The following ADGRG1 variants were observed in gnomAD, a reference collection of about 807,000 sequenced individuals.
ADGRG1 encodes the protein 7-transmembrane protein with no EGF-like N-terminal domains-1.
Under a neutral mutation model 73.5 loss-of-function variants are expected in ADGRG1, and 53 were observed. The ratio of observed to expected loss-of-function variants is 0.72; its 90% confidence interval spans 0.58 to 0.91. The LOEUF is 0.91. Among genes scored for constraint, ADGRG1 ranks in the 40% least tolerant of loss-of-function variants. The probability of loss-of-function intolerance (pLI) is 0.00; values close to 1 mark genes in which losing one functional copy is unlikely to be tolerated. For missense variants in ADGRG1, 795 were observed against 871.8 expected (o/e 0.91, Z 1.11); for synonymous variants, 394 against 374.4 (o/e 1.05, Z -0.60).
At chr16:57,655,763 C>A (rs1194749276) in intron 6 of ADGRG1, 113 bp from the exon 7 acceptor site, 1 of 1,610,594 alleles carries the variant, frequency 6.2e-7, no homozygotes, top group Non-Finnish European at 8.5e-7. Flanking sequence ...GACGCAGCAT[C>A]TCAAGGCAAT....
chr16:57,654,195 G>A (rs1241967995), intron 5 of ADGRG1, 62 bp downstream of exon 5: 9 of 1,535,348 alleles, frequency 5.9e-6, no homozygotes, highest in African/African-American at 1.4e-5. Flanking sequence ...TGGAGGTGGG[G>A]GCTGTGAGCA....
rs146696055 is a variant in ADGRG1 at position 57,630,461 on chromosome 16, C to T, written c.-36+1659C>T. 3.3e-5 allele frequency: 33 copies of T among 985,680 alleles called. No individual in the cohort carries two copies. In the East Asian group the frequency reaches 3.4e-3, roughly 102 times the overall value. 61.1% of individuals were successfully genotyped at this position (985,680 alleles called of 1,614,324 possible). On this transcript the variant is annotated intron_variant, in intron 1 of 13. Transcript: ENST00000562631. ...CCTTCCTCTCCTCTCGCCTCAGGAGCTCAGCTGCTAAATGGGTGTGTAGGG... is the reference window on the plus strand; with the variant it reads ...CCTTCCTCTCCTCTCGCCTCAGGAGTTCAGCTGCTAAATGGGTGTGTAGGG...
At chr16:57,639,720 G>A in intron 1 of ADGRG1, 1 of 927,670 alleles carries the variant, frequency 1.1e-6, no homozygotes, top group African/African-American at 1.8e-5. Context: ...TTTCACTCCT[G>A]CTCCCTCTCC....
chr16:57,630,322 C>T, intron 1 of ADGRG1: 1 of 979,870 alleles, frequency 1.0e-6, no homozygotes. Context: ...GGGCTCTTTC[C>T]TGCCAATGTC....
rs1241511839 is a variant in ADGRG1, at chr16:57,656,209, C to T, written c.1018-17C>T. ...GGGGGCTGTCACAGAAACCACTCTCCTTTCTTGTCCCTACAGAAGAATGTG... is the reference window on the plus strand; with the variant it reads ...GGGGGCTGTCACAGAAACCACTCTCTTTTCTTGTCCCTACAGAAGAATGTG... On this transcript the variant is annotated splice_polypyrimidine_tract_variant and intron_variant, in intron 7 of 13. Coordinates refer to ENST00000562631, the MANE Select transcript of ADGRG1 (RefSeq NM_201525.4). 1 of 1,613,746 alleles carries T rather than the reference C, an allele frequency of 6.2e-7. No homozygotes were observed. The highest frequency in any genetic ancestry group is 8.5e-7 in the Non-Finnish European group (1 of 1,179,764).
chr16:57,645,266 G>T, intron 1 of ADGRG1: 3 of 985,428 alleles, frequency 3.0e-6, no homozygotes, highest in Non-Finnish European at 3.6e-6. Flanking sequence ...CTCTCCCAGC[G>T]AGGGCCCATT....
intron 1 of ADGRG1, chr16:57,631,028 C>G (rs1567677082): frequency 3.0e-6 from 3 of 985,802 alleles, no homozygotes; most frequent in East Asian, 2.3e-4. Context: ...GCTGGGGGCC[C>G]AGGCTGCAAA....
intron 1 of ADGRG1, among the ~76,000 whole-genome samples, chr16:57,644,532 CAT>C (rs1289084581): frequency 3.6e-5 from 5 of 137,596 alleles, no homozygotes; most frequent in South Asian, 2.4e-4. Flanking sequence ...TCATCACACA[CAT>C]GCGCAGGCAC....
intron 1 of ADGRG1, chr16:57,629,210 C>T (rs2037023129): frequency 3.1e-6 from 3 of 980,770 alleles, no homozygotes; most frequent in Non-Finnish European, 3.6e-6. Flanking sequence ...TCCAGGTCAG[C>T]ATGGCTGTGG....
chr16:57,630,747 C>A (rs556073387), intron 1 of ADGRG1: 2 of 237,938 alleles, frequency 8.4e-6, no homozygotes, highest in East Asian at 3.6e-4. Flanking sequence ...GACCAGGGAG[C>A]CTCTGCGGAA....
chr16:57,630,217 T>C (rs1239049953), intron 1 of ADGRG1: 5 of 438,894 alleles, frequency 1.1e-5, no homozygotes, highest in East Asian at 1.6e-4. Context: ...TGTTGGCTCC[T>C]TGGGGTCAGA....
chr16:57,647,207 A>C, intron 1 of ADGRG1: 1 of 985,392 alleles, frequency 1.0e-6, no homozygotes, highest in Non-Finnish European at 1.2e-6. Flanking sequence ...TCTTGTCCCC[A>C]GCCCAGCTCT....
intron 1 of ADGRG1, chr16:57,646,281 C>T: frequency 1.5e-6 from 1 of 657,590 alleles, no homozygotes; most frequent in Non-Finnish European, 1.9e-6. Flanking sequence ...AGCCGTGGGT[C>T]CCCACTGCCC....
At chr16:57,633,358 C>A (rs56219719) in intron 1 of ADGRG1, 124,227 of 984,928 alleles carry the variant, frequency 0.13, 8,913 homozygotes, top group African/African-American at 0.3. Context: ...GAATTTCTCA[C>A]AACTTCATTA....
intron 1 of ADGRG1, chr16:57,636,760 C>A (rs1221052189): frequency 2.2e-6 from 2 of 921,284 alleles, no homozygotes; most frequent in East Asian, 2.4e-4. Context: ...CTTCTATGGA[C>A]CAGGCACTGT....
In ADGRG1 at chr16:57,650,967, C is replaced by T. The variant is rs1293834370; in HGVS notation, c.65-233C>T. On this transcript the variant is annotated intron_variant, in intron 2 of 13. Transcript: ENST00000562631. Reference sequence around the variant, plus strand: ...TCGTGATCCGCCCGCCTCAGCCTCCCAAAGTGCTGGGATTACAGGCGTGAG... The same window carrying T: ...TCGTGATCCGCCCGCCTCAGCCTCCTAAAGTGCTGGGATTACAGGCGTGAG... 3 of 642,092 alleles carry T rather than the reference C, an allele frequency of 4.7e-6. No individual in the cohort carries two copies. The African/African-American group carries it at 5.9e-5, about 13-fold the overall frequency. The allele number at this position is 642,092 out of a possible 1,614,324, so 39.8% of individuals were successfully genotyped here.
intron 1 of ADGRG1, chr16:57,630,972 G>C (rs561261910): frequency 4.3e-5 from 42 of 985,868 alleles, no homozygotes; most frequent in Middle Eastern, 5.2e-4. Context: ...CTGCTCTGTG[G>C]GGGGGAAGAG....
chr16:57,625,769 T>A, upstream of ADGRG1: 1 of 510,754 alleles, frequency 2.0e-6, no homozygotes, highest in Non-Finnish European at 2.5e-6. Flanking sequence ...ACCTTTGATT[T>A]AAGCCCAAAC....
chr16:57,653,020 A>G, intron 3 of ADGRG1, 183 bp from the exon 4 acceptor site: 1 of 1,461,604 alleles, frequency 6.8e-7, no homozygotes, highest in Non-Finnish European at 9.0e-7. Flanking sequence ...CACAACCCCC[A>G]CGGGTTGGCC....
Sources: allele counts gnomAD v4.1 joint callset (sites outside exome capture counted in the v4.1 genomes callset), GRCh38; gene constraint gnomAD v4.1.1; transcripts MANE v1.5; gene names NCBI Gene and HGNC (gene_info 2026-07-23, HGNC 2026-07-21).